Variants in PTPRD observed in about 807,000 individuals in gnomAD.
PTPRD encodes protein tyrosine phosphatase receptor type D.
In PTPRD, 34 loss-of-function variants were observed where a neutral mutation model predicts 214.5. The observed-to-expected ratio is 0.16, with a 90% CI of 0.12 to 0.21. The LOEUF (loss-of-function observed/expected upper bound fraction) is 0.21. PTPRD is among the 10% of genes least tolerant of loss of function. The pLI is 1.00. For synonymous variants in PTPRD, 1,128 were observed against 845.7 expected (o/e 1.33, Z -5.79); for missense variants, 2,545 against 2,398.7 (o/e 1.06, Z -1.27).
At chr9:9,507,542 G>C (rs1184192214) in intron 8 of PTPRD, among the ~76,000 whole-genome samples, 1 of 151,326 alleles carries the variant, frequency 6.6e-6, no homozygotes, top group Non-Finnish European at 1.5e-5. Flanking sequence ...CATGGAAAGG[G>C]AGAACAGAAA....
Position 8,943,702 on chromosome 9 carries a change from C to T in PTPRD, c.-104+74995G>A, listed in dbSNP as rs967363334. 4.6e-5 allele frequency among the ~76,000 whole-genome samples: 7 copies of T among 150,926 alleles called. No homozygotes were observed. In the South Asian group the frequency reaches 1.5e-3, roughly 31 times the overall value. The stretch of plus-strand genomic sequence containing the variant: ...TGGTTCTGGGAAAACTAGATATCCA[C>T]ATGCAGAAGAATGAAACTAGAACCC... On this transcript the variant is annotated intron_variant, in intron 11 of 45. Transcript: ENST00000381196.
At chr9:8,709,941 G>C (rs1162292864) in intron 12 of PTPRD, among the ~76,000 whole-genome samples, 1 of 152,122 alleles carries the variant, frequency 6.6e-6, no homozygotes, top group Non-Finnish European at 1.5e-5. Context: ...GACAACCTAG[G>C]TATGAATCAC....
At position 9,536,908 on chromosome 9, in the gene PTPRD, G is replaced by T. The variant is rs117530474; in HGVS notation, c.-237+37824C>A. Among the ~76,000 whole-genome samples, 23 of 152,124 alleles carry T rather than the reference G, an allele frequency of 1.5e-4. No individual in the cohort carries two copies. In the East Asian group the frequency reaches 4.5e-3, roughly 30 times the overall value. On this transcript the variant is annotated intron_variant, in intron 8 of 45. Transcript: ENST00000381196. The stretch of plus-strand genomic sequence containing the variant: ...CCTTTTCAACGACAGTTATGGAAGT[G>T]AGTGGAAAGGGTAGTGTAGTGTAGA...
intron 11 of PTPRD, among the ~76,000 whole-genome samples, chr9:8,898,662 C>T (rs958059421): frequency 5.3e-5 from 8 of 152,032 alleles, no homozygotes; most frequent in African/African-American, 9.7e-5. Context: ...AGACTTGGCA[C>T]GAATAAGATC....
chr9:10,184,850 A>G (rs2099321689), intron 3 of PTPRD, among the ~76,000 whole-genome samples: 1 of 152,194 alleles, frequency 6.6e-6, no homozygotes, highest in Admixed American at 6.5e-5. Context: ...GACATAGAGA[A>G]AACTCTGTAA....
At chr9:8,886,432 G>C (rs1237627811) in intron 11 of PTPRD, among the ~76,000 whole-genome samples, 1 of 152,168 alleles carries the variant, frequency 6.6e-6, no homozygotes, top group East Asian at 1.9e-4. Context: ...CCAGGACATA[G>C]ATTTTGACCC....
At chr9:10,152,512 A>G (rs1255666279) in intron 3 of PTPRD, among the ~76,000 whole-genome samples, 1 of 152,132 alleles carries the variant, frequency 6.6e-6, no homozygotes, top group Non-Finnish European at 1.5e-5. Flanking sequence ...ACATAGTGGA[A>G]TATTATTGAG....
At chr9:9,636,493 TATACAC>T (rs112710531) in intron 7 of PTPRD, among the ~76,000 whole-genome samples, 2,488 of 152,050 alleles carry the variant, frequency 0.016, 67 homozygotes, top group African/African-American at 0.057. Context: ...TTGATATAGA[TATACAC>T]ATACACAGAG....
Position 8,569,635 on chromosome 9 carries a change from TC to T in PTPRD, c.353-40857del, listed in dbSNP as rs567985020. Among the ~76,000 whole-genome samples, 466 of 152,250 alleles carry T rather than the reference TC, an allele frequency of 3.1e-3. 3 individuals carry two copies. Among genetic ancestry groups the T allele is most frequent in the African/African-American group, 9.4e-3 (389 of 41,560 alleles). ...GAATCACACCTTGCAATTTGGCTTA[TC>T]GATTCCTTTTCATTTATCTAAACTG... On this transcript the variant is annotated intron_variant, in intron 14 of 45. Coordinates refer to ENST00000381196, the MANE Select transcript of PTPRD (RefSeq NM_002839.4).
intron 11 of PTPRD, among the ~76,000 whole-genome samples, chr9:8,938,816 C>T (rs1341912926): frequency 6.6e-6 from 1 of 152,092 alleles, no homozygotes; most frequent in African/African-American, 2.4e-5. Context: ...CTAAGCTTCC[C>T]TAAGCTTTCA....
chr9:8,882,530 C>G lies in PTPRD; in HGVS notation c.-104+136167G>C, dbSNP rs1020410998. Among the ~76,000 whole-genome samples the G allele has an allele frequency of 2.0e-5, 3 of 152,254 alleles. No homozygotes were observed. In the South Asian group the frequency reaches 6.2e-4, roughly 32 times the overall value. Reference sequence around the variant, plus strand: ...GGTTCAGAACCTTTATAGCTACTCACATTTGTAGCATCTTTCTCCTCCTAT... The same window carrying G: ...GGTTCAGAACCTTTATAGCTACTCAGATTTGTAGCATCTTTCTCCTCCTAT... On this transcript the variant is annotated intron_variant, in intron 11 of 45. Transcript: ENST00000381196.
chr9:10,324,087 CT>C (rs1328364648), intron 3 of PTPRD, among the ~76,000 whole-genome samples: 5 of 151,936 alleles, frequency 3.3e-5, no homozygotes, highest in Non-Finnish European at 7.4e-5. Flanking sequence ...AAAGCAAACC[CT>C]TTGTAAATTA....
chr9:8,840,218 C>T (rs1451333818), intron 11 of PTPRD, among the ~76,000 whole-genome samples: 1 of 152,156 alleles, frequency 6.6e-6, no homozygotes, highest in African/African-American at 2.4e-5. Flanking sequence ...ACCCAAATCT[C>T]ATCTTGAATT....
intron 10 of PTPRD, among the ~76,000 whole-genome samples, chr9:9,130,719 G>A (rs140192918): frequency 6.6e-6 from 1 of 152,244 alleles, no homozygotes; most frequent in Non-Finnish European, 1.5e-5. Flanking sequence ...TTACCTGGGT[G>A]TTGCGTATGG....
chr9:10,576,673 T>TATA (rs72547154), intron 2 of PTPRD, among the ~76,000 whole-genome samples: 2 of 151,860 alleles, frequency 1.3e-5, no homozygotes, highest in African/African-American at 4.8e-5. Flanking sequence ...TGAGAAAACA[T>TATA]AAAAAATAGA....
intron 8 of PTPRD, among the ~76,000 whole-genome samples, chr9:9,540,032 T>G (rs2077265822): frequency 6.6e-6 from 1 of 151,752 alleles, no homozygotes; most frequent in South Asian, 2.1e-4. Context: ...TACTCCCCCT[T>G]TCACTCTTCC....
At chr9:9,869,821 G>T (rs2064969392) in intron 5 of PTPRD, among the ~76,000 whole-genome samples, 1 of 151,680 alleles carries the variant, frequency 6.6e-6, no homozygotes, top group South Asian at 2.1e-4. Flanking sequence ...CATGCAACAT[G>T]GAGAACTGTT....
intron 8 of PTPRD, among the ~76,000 whole-genome samples, chr9:9,525,014 C>T (rs538570908): frequency 2.1e-4 from 32 of 152,268 alleles, no homozygotes; most frequent in African/African-American, 6.0e-4. Context: ...CCCGCCACCA[C>T]GCCCGGCTAA....
At chr9:10,055,867 G>C (rs931920976) in intron 3 of PTPRD, among the ~76,000 whole-genome samples, 3 of 149,886 alleles carry the variant, frequency 2.0e-5, no homozygotes, top group Non-Finnish European at 3.0e-5. Context: ...CATTATGTGT[G>C]TGTATATATA....
Sources: allele counts gnomAD v4.1 joint callset (sites outside exome capture counted in the v4.1 genomes callset), GRCh38; gene constraint gnomAD v4.1.1; transcripts MANE v1.5; gene names NCBI Gene and HGNC (gene_info 2026-07-23, HGNC 2026-07-21).